Variants in COL23A1 observed in about 807,000 individuals in gnomAD.
COL23A1 encodes the protein collagen alpha-1(XXIII) chain.
A neutral mutation model predicts 99.3 loss-of-function variants in COL23A1; 97 were observed. The ratio of observed to expected loss-of-function variants is 0.98; its 90% confidence interval spans 0.83 to 1.16. The LOEUF (loss-of-function observed/expected upper bound fraction) is 1.16, where lower values mean the gene tolerates loss of function less well. Among genes scored for constraint, COL23A1 ranks in the 50% most tolerant of loss-of-function variants. The probability of loss-of-function intolerance (pLI) is 0.00; values close to 1 mark genes in which losing one functional copy is unlikely to be tolerated. For synonymous variants in COL23A1, 320 were observed against 308.2 expected (o/e 1.04, Z -0.40); for missense variants, 762 against 757.4 (o/e 1.01, Z -0.07).
chr5:178,413,381 C>T (rs10070303), intron 2 of COL23A1, among the ~76,000 whole-genome samples: 34,456 of 152,076 alleles, frequency 0.23, 5,189 homozygotes, highest in African/African-American at 0.42. Context: ...ACATGAAATC[C>T]AGGTGGCGTT....
At chr5:178,247,169 G>C (rs539852245) in intron 22 of COL23A1, among the ~76,000 whole-genome samples, 4 of 152,198 alleles carry the variant, frequency 2.6e-5, no homozygotes, top group African/African-American at 4.8e-5. Flanking sequence ...GATGTGTGTG[G>C]GGCGGGCTGG....
intron 2 of COL23A1, among the ~76,000 whole-genome samples, chr5:178,452,318 G>A (rs911413727): frequency 6.6e-6 from 1 of 152,082 alleles, no homozygotes; most frequent in African/African-American, 2.4e-5. Context: ...CAATGAAACT[G>A]GATTCACATT....
Position 178,268,760 on chromosome 5 carries a change from G to A in COL23A1, c.469-4C>T, listed in dbSNP as rs1484045919. On this transcript the variant is annotated splice_polypyrimidine_tract_variant and splice_region_variant and intron_variant, in intron 6 of 28. Transcript: ENST00000390654. ...CCCCTTTCGGGCCTGGAAGTCCCTG[G>A]AAAAGGAAAGTGGAGAAAGAACAGA... 4 of 1,603,456 alleles carry A rather than the reference G, an allele frequency of 2.5e-6. No homozygotes were observed. The highest frequency in any genetic ancestry group is 1.1e-5 in the South Asian group (1 of 88,880).
intron 12 of COL23A1, 140 bp downstream of exon 12, chr5:178,259,581 G>A: frequency 2.6e-6 from 2 of 763,954 alleles, no homozygotes; most frequent in Non-Finnish European, 4.1e-6. Context: ...AGGGCTGGTG[G>A]AGAGAAGGCC....
At chr5:178,312,445 T>G (rs1051546075) in intron 2 of COL23A1, among the ~76,000 whole-genome samples, 2 of 152,042 alleles carry the variant, frequency 1.3e-5, no homozygotes, top group Non-Finnish European at 2.9e-5. Flanking sequence ...TTCTAACTCA[T>G]AAAAATCTCA....
chr5:178,243,561 G>A (rs1043870594), intron 25 of COL23A1, among the ~76,000 whole-genome samples: 2 of 152,070 alleles, frequency 1.3e-5, no homozygotes, highest in East Asian at 1.9e-4. Flanking sequence ...CACGTGTAAC[G>A]GGGCAGGCAA....
At chr5:178,251,680 G>A (rs900322595) in intron 17 of COL23A1, among the ~76,000 whole-genome samples, 1 of 152,090 alleles carries the variant, frequency 6.6e-6, no homozygotes, top group African/African-American at 2.4e-5. Flanking sequence ...TCACCCAAGG[G>A]GTGAACATAG....
At chr5:178,431,139 G>A (rs910948721) in intron 2 of COL23A1, among the ~76,000 whole-genome samples, 9 of 152,312 alleles carry the variant, frequency 5.9e-5, no homozygotes, top group Middle Eastern at 3.4e-3. Context: ...GGTGGGCTGA[G>A]GATGCTGAAT....
intron 1 of COL23A1, among the ~76,000 whole-genome samples, chr5:178,579,267 C>T (rs1287753566): frequency 2.0e-5 from 3 of 152,172 alleles, no homozygotes; most frequent in Admixed American, 6.5e-5. Context: ...AGGGTGTGCA[C>T]GACATGCTGA....
At chr5:178,346,463 T>C (rs1760978469) in intron 2 of COL23A1, among the ~76,000 whole-genome samples, 1 of 152,176 alleles carries the variant, frequency 6.6e-6, no homozygotes, top group Non-Finnish European at 1.5e-5. Flanking sequence ...CTCAAATTCC[T>C]GACCTCAGGT....
chr5:178,458,776 C>T (rs892694044), intron 2 of COL23A1, among the ~76,000 whole-genome samples: 8 of 152,186 alleles, frequency 5.3e-5, no homozygotes, highest in African/African-American at 1.4e-4. Flanking sequence ...TGATCAACAG[C>T]AGTGAACGTC....
chr5:178,436,005 G>A (rs1442872957), intron 2 of COL23A1, among the ~76,000 whole-genome samples: 5 of 152,346 alleles, frequency 3.3e-5, no homozygotes, highest in South Asian at 4.1e-4. Flanking sequence ...GCTGGGCATC[G>A]TGGGCATGCA....
rs1376184569 is a variant in COL23A1, at chr5:178,249,122, G to A, written c.1144C>T (p.Leu382Phe). 1.2e-6 allele frequency: 2 copies of A among 1,614,180 alleles called. No individual in the cohort carries two copies. Among genetic ancestry groups the A allele is most frequent in the East Asian group, 2.2e-5 (1 of 44,884 alleles). ...GGCCCAACCCAGCCACATACCGGGA[G>A]GCCGGACAAGCCCATCTCGCCTGCT... ...GEAGEMGLSGLPGADGLKGEK... is the reference protein window; with the variant it reads ...GEAGEMGLSGFPGADGLKGEK... Residue 382 changes from leucine to phenylalanine, a missense_variant, in exon 19 of 29, where the codon CTC becomes TTC. By Grantham distance (22) the Leu-to-Phe change is conservative (BLOSUM62 0). Transcript: ENST00000390654.
intron 2 of COL23A1, among the ~76,000 whole-genome samples, chr5:178,430,533 C>T (rs7728076): frequency 0.11 from 17,036 of 152,188 alleles, 2,166 homozygotes; most frequent in East Asian, 0.55. Context: ...CTCTCACCTC[C>T]GTGGGAAAGA....
intron 2 of COL23A1, among the ~76,000 whole-genome samples, chr5:178,508,145 C>A (rs1193351263): frequency 6.6e-6 from 1 of 151,976 alleles, no homozygotes; most frequent in African/African-American, 2.4e-5. Flanking sequence ...GCTGTTGATA[C>A]CATCTTTTGA....
intron 2 of COL23A1, among the ~76,000 whole-genome samples, chr5:178,519,268 G>A (rs1759811391): frequency 6.6e-6 from 1 of 152,234 alleles, no homozygotes; most frequent in Non-Finnish European, 1.5e-5. Flanking sequence ...TGTCAGCACA[G>A]AGCCCAGGCC....
Position 178,590,103 on chromosome 5 carries a change from C to A in COL23A1, c.95G>T (p.Gly32Val). 1 of 1,264,258 alleles carries A rather than the reference C, an allele frequency of 7.9e-7. No individual in the cohort carries two copies. The highest frequency in any genetic ancestry group is 9.9e-7 in the Non-Finnish European group (1 of 1,005,810). The allele number at this position is 1,264,258 out of a possible 1,614,324, so 78.3% of individuals were successfully genotyped here. A position where few individuals can be genotyped will look rare whatever the true frequency, so the allele number is the denominator to read the frequency against. ...GCACAGCGCGCTCACCGCCCGGGAC[C>A]CGGCCGTCGTCGCCGAGCGCCCTCC... ...GGGGRSATTA[G>V]SRAVSALCLL... Residue 32 changes from glycine to valine, a missense_variant, in exon 1 of 29, where the codon GGG becomes GTG. Coordinates refer to ENST00000390654, the MANE Select transcript of COL23A1 (RefSeq NM_173465.4). This position sits in a 1 kb window ranked among gnomAD's most constrained non-coding sequence, Gnocchi z 5.7.
At chr5:178,270,257 C>T in intron 6 of COL23A1, 80 bp downstream of exon 6, 49 of 1,547,184 alleles carry the variant, frequency 3.2e-5, no homozygotes, top group Non-Finnish European at 4.4e-5. Context: ...CTGCTTCCCT[C>T]CAGTGCCTGC....
intron 2 of COL23A1, among the ~76,000 whole-genome samples, chr5:178,345,952 G>T (rs1198453654): frequency 1.3e-5 from 2 of 152,090 alleles, no homozygotes; most frequent in Non-Finnish European, 2.9e-5. Flanking sequence ...TAGGCATAAA[G>T]TAGTAGTTAC....
Sources: allele counts gnomAD v4.1 joint callset (sites outside exome capture counted in the v4.1 genomes callset), GRCh38; gene constraint gnomAD v4.1.1; non-coding constraint Gnocchi (gnomAD v3.1); transcripts MANE v1.5; gene names NCBI Gene and HGNC (gene_info 2026-07-23, HGNC 2026-07-21).